Variants in MED21 observed in about 807,000 individuals in gnomAD.
MED21 encodes the protein mediator complex subunit 21, also known as mediator of RNA polymerase II transcription subunit 21.
In MED21, 9 loss-of-function variants were observed where a neutral mutation model predicts 18.2. The observed-to-expected ratio is 0.49, with a 90% CI of 0.30 to 0.86. MED21 has a LOEUF of 0.86. MED21 is among the 40% of genes least tolerant of loss of function. MED21 has a pLI of 0.07. For missense variants in MED21, 150 were observed against 170.9 expected, an observed-to-expected ratio of 0.88 and a Z score of 0.68; for synonymous variants, 73 against 60.5, an observed-to-expected ratio of 1.21 and a Z score of -0.96.
intron 1 of MED21, among the ~76,000 whole-genome samples, 188 bp from the exon 2 acceptor site, chr12:27,026,232 T>C (rs1941543305): frequency 6.6e-6 from 1 of 152,256 alleles, no homozygotes; most frequent in African/African-American, 2.4e-5. Context: ...ACTTAGTTTC[T>C]TTGCAGAATT....
chr12:27,029,332 A>G lies in MED21; in HGVS notation c.*871A>G. The G allele has an allele frequency of 1.0e-6, 1 of 985,398 alleles. No homozygotes were observed. 61.0% of individuals were successfully genotyped at this position (985,398 alleles called of 1,614,324 possible). A position where few individuals can be genotyped will look rare whatever the true frequency, so the allele number is the denominator to read the frequency against. On this transcript the variant is annotated 3_prime_UTR_variant, in exon 4 of 4. Coordinates refer to ENST00000282892, the MANE Select transcript of MED21 (RefSeq NM_004264.5). ...ACTTGGCATCATTTCACCTCAGTTT[A>G]TTATTGCCAAATAATAATTTGTGTC...
rs1393100401 is a variant in MED21, at chr12:27,029,822, A to G, written c.*1361A>G. The G allele has an allele frequency of 6.0e-6, 6 of 996,710 alleles. 1 individual carries two copies. In the East Asian group the frequency reaches 3.0e-4, roughly 50 times the overall value. 61.7% of individuals were successfully genotyped at this position (996,710 alleles called of 1,614,324 possible). On this transcript the variant is annotated 3_prime_UTR_variant, in exon 4 of 4. Transcript: ENST00000282892. Reference sequence around the variant, plus strand: ...AAGATTCAGTCAGAAAACTTATTCAAAGTACCTAAGTATTATAAAGGAGTC... The same window carrying G: ...AAGATTCAGTCAGAAAACTTATTCAGAGTACCTAAGTATTATAAAGGAGTC...
downstream of MED21, among the ~76,000 whole-genome samples, chr12:27,035,326 C>A (rs945886491): frequency 6.6e-6 from 1 of 151,828 alleles, no homozygotes; most frequent in Admixed American, 6.6e-5. Context: ...TCTTTGAATT[C>A]CAGTTTTATA....
chr12:27,029,738 C>T lies in MED21; in HGVS notation c.*1277C>T. 1 of 982,928 alleles carries T rather than the reference C, an allele frequency of 1.0e-6. No individual in the cohort carries two copies. The highest frequency in any genetic ancestry group is 1.2e-6 in the Non-Finnish European group (1 of 827,590). 60.9% of individuals were successfully genotyped at this position (982,928 alleles called of 1,614,324 possible). A position where few individuals can be genotyped will look rare whatever the true frequency, so the allele number is the denominator to read the frequency against. On this transcript the variant is annotated 3_prime_UTR_variant, in exon 4 of 4. Coordinates refer to ENST00000282892, the MANE Select transcript of MED21 (RefSeq NM_004264.5). The stretch of plus-strand genomic sequence containing the variant: ...TTTTAATTGATGTTTATTAAAAACA[C>T]TTTGCTATCAGATATTTGGCATAAA...
chr12:27,027,296 C>A (rs1490946213), intron 2 of MED21, 51 bp from the exon 3 acceptor site: 1 of 1,334,160 alleles, frequency 7.5e-7, no homozygotes, highest in South Asian at 1.3e-5. Flanking sequence ...AAATTTGTTT[C>A]TGAAAACTTG....
At chr12:27,038,547 G>C (rs888635885) in intron 2 of MED21, 2 of 151,988 alleles carry the variant, frequency 1.3e-5, no homozygotes, top group East Asian at 3.9e-4. Flanking sequence ...GATGAGTTAG[G>C]GCCAAAAGTA....
rs540389022 is a variant in MED21, at chr12:27,037,339, G to A, written n.147-8815G>A. 2.6e-5 allele frequency: 4 copies of A among 151,904 alleles called. No individual in the cohort carries two copies. The East Asian group carries it at 7.7e-4, about 29-fold the overall frequency. 9.4% of individuals were successfully genotyped at this position (151,904 alleles called of 1,614,324 possible). A position where few individuals can be genotyped will look rare whatever the true frequency, so the allele number is the denominator to read the frequency against. ...TGCTTATCAGCTTAAGGAGATTTTG[G>A]GCTGAGACAATGGGGTTTTCTATAC... On this transcript the variant is annotated intron_variant and non_coding_transcript_variant, in intron 2 of 4. Transcript: ENST00000538186.
downstream of MED21, among the ~76,000 whole-genome samples, chr12:27,034,897 C>A (rs553961048): frequency 1.3e-5 from 2 of 152,106 alleles, no homozygotes; most frequent in Admixed American, 6.6e-5. Flanking sequence ...ATTACAGGCA[C>A]CTGTCACCAC....
chr12:27,026,284 C>G, intron 1 of MED21, 136 bp from the exon 2 acceptor site: 1 of 532,636 alleles, frequency 1.9e-6, no homozygotes, highest in Non-Finnish European at 3.3e-6. Flanking sequence ...CTTATTTTAT[C>G]AACAATCACT....
At chr12:27,036,514 A>T in intron 2 of MED21, among the ~76,000 whole-genome samples, 1 of 152,206 alleles carries the variant, frequency 6.6e-6, no homozygotes, top group African/African-American at 2.4e-5. Flanking sequence ...GTCCTTGCCC[A>T]TGCCTATGTC....
At position 27,028,506 on chromosome 12, in the gene MED21, C is replaced by A; in HGVS notation, c.*45C>A. 6.4e-7 allele frequency: 1 copy of A among 1,572,914 alleles called. No homozygotes were observed. Among genetic ancestry groups the A allele is most frequent in the South Asian group, 1.2e-5 (1 of 85,116 alleles). On this transcript the variant is annotated 3_prime_UTR_variant, in exon 4 of 4. Transcript: ENST00000282892. ...GCTGAGAAAAGAACTGTTTGAGTGCCATTAAGAATTCTGCATCAGACTTAG... is the reference window on the plus strand; with the variant it reads ...GCTGAGAAAAGAACTGTTTGAGTGCAATTAAGAATTCTGCATCAGACTTAG...
rs758935717 is a variant in MED21, at chr12:27,022,620, C to T, written c.41C>T (p.Ser14Leu). Reference sequence around the variant, plus strand: ...ACGCAGCTTCAGGACGCTGTGAATTCGGTGAGGAATTTCATTCGATTAGCC... The same window carrying T: ...ACGCAGCTTCAGGACGCTGTGAATTTGGTGAGGAATTTCATTCGATTAGCC... ...RLTQLQDAVN[S>L]LADQFCNAIG... Residue 14 changes from serine to leucine, a missense_variant and splice_region_variant, in exon 1 of 4, where the codon TCG (serine) becomes TTG (leucine). Ser to Leu is a moderately radical substitution (Grantham distance 145). Coordinates refer to ENST00000282892, the MANE Select transcript of MED21 (RefSeq NM_004264.5). The T allele has an allele frequency of 6.3e-7, 1 of 1,592,854 alleles. No individual in the cohort carries two copies. Among genetic ancestry groups the T allele is most frequent in the Non-Finnish European group, 8.6e-7 (1 of 1,165,120 alleles).
downstream of MED21, among the ~76,000 whole-genome samples, chr12:27,032,140 G>A (rs942990166): frequency 2.6e-5 from 4 of 152,256 alleles, no homozygotes; most frequent in Admixed American, 1.3e-4. Flanking sequence ...CTCTATTCTT[G>A]AAGGACCACA....
chr12:27,035,258 G>C (rs1480675984), downstream of MED21, among the ~76,000 whole-genome samples: 1 of 152,126 alleles, frequency 6.6e-6, no homozygotes, highest in Admixed American at 6.5e-5. Context: ...TAGCCACCAA[G>C]CCTAGAGAGT....
Position 27,028,757 on chromosome 12 carries a change from A to G in MED21, c.*296A>G, listed in dbSNP as rs952174062. 5 of 1,040,292 alleles carry G rather than the reference A, an allele frequency of 4.8e-6. No homozygotes were observed. In the African/African-American group the frequency reaches 5.1e-5, roughly 11 times the overall value. 64.4% of individuals were successfully genotyped at this position (1,040,292 alleles called of 1,614,324 possible). On this transcript the variant is annotated 3_prime_UTR_variant, in exon 4 of 4. Transcript: ENST00000282892. ...AACATATGTAAAATTCTGTTATGACATAATTTATGTCTCCATTTTGTTGTA... is the reference window on the plus strand; with the variant it reads ...AACATATGTAAAATTCTGTTATGACGTAATTTATGTCTCCATTTTGTTGTA...
downstream of MED21, among the ~76,000 whole-genome samples, chr12:27,034,315 G>A (rs559988566): frequency 1.3e-5 from 2 of 152,158 alleles, no homozygotes; most frequent in East Asian, 3.9e-4. Flanking sequence ...CCAGCTACTC[G>A]GGAGGCTAAG....
chr12:27,032,839 G>T (rs1454884092), downstream of MED21, among the ~76,000 whole-genome samples: 1 of 152,030 alleles, frequency 6.6e-6, no homozygotes, highest in African/African-American at 2.4e-5. Flanking sequence ...TCCCTTCCCC[G>T]TAAGCCACTG....
Position 27,027,300 on chromosome 12 carries a change from A to T in MED21, c.158-47A>T, listed in dbSNP as rs777261087. ...TCATTAACTTAAAATTTGTTTCTGA[A>T]AACTTGAGGTTTTCTAATATCCTAA... is the stretch of plus-strand genomic sequence containing the variant. On this transcript the variant is annotated intron_variant, in intron 2 of 3. Coordinates refer to ENST00000282892, the MANE Select transcript of MED21 (RefSeq NM_004264.5). 2.2e-6 allele frequency: 3 copies of T among 1,386,668 alleles called. No individual in the cohort carries two copies. The South Asian group carries it at 3.7e-5, about 17-fold the overall frequency. The allele number at this position is 1,386,668 out of a possible 1,614,324, so 85.9% of individuals were successfully genotyped here. A position where few individuals can be genotyped will look rare whatever the true frequency, so the allele number is the denominator to read the frequency against.
intron 1 of MED21, 54 bp downstream of exon 1, chr12:27,022,675 A>G: frequency 6.2e-7 from 1 of 1,612,096 alleles, no homozygotes; most frequent in Non-Finnish European, 8.5e-7. Context: ...AGGTAAAGCA[A>G]GGGAGGAAAG....
Sources: gnomAD v4.1 joint callset for allele counts (sites outside exome capture counted in the v4.1 genomes callset) on GRCh38, gnomAD v4.1.1 for gene constraint, MANE v1.5 for transcripts, NCBI Gene and HGNC (gene_info 2026-07-23, HGNC 2026-07-21) for gene names.